Variants in SORCS2 observed in about 807,000 individuals in gnomAD.
SORCS2 encodes VPS10 domain-containing receptor SorCS2.
SORCS2 carries 100 observed loss-of-function variants against 141.6 expected under a neutral mutation model. The ratio of observed to expected loss-of-function variants is 0.71; its 90% CI spans 0.60 to 0.83. The LOEUF is 0.83. SORCS2 is among the 40% of genes least tolerant of loss of function. The pLI is 0.00. For synonymous variants in SORCS2, 789 were observed against 676.9 expected, an observed-to-expected ratio of 1.17 and a Z score of -2.57; for missense variants, 1,646 against 1,560.2, an observed-to-expected ratio of 1.05 and a Z score of -0.93.
intron 1 of SORCS2, among the ~76,000 whole-genome samples, chr4:7,226,636 G>A (rs1430858735): frequency 1.3e-5 from 2 of 152,132 alleles, no homozygotes; most frequent in African/African-American, 2.4e-5. Flanking sequence ...AATCCAGACC[G>A]CCATCTGTCC....
At chr4:7,681,537 C>T (rs1352789748) in intron 9 of SORCS2, among the ~76,000 whole-genome samples, 1 of 152,242 alleles carries the variant, frequency 6.6e-6, no homozygotes, top group African/African-American at 2.4e-5. Context: ...GAATGCGATT[C>T]CACTGACACT....
At chr4:7,708,647 A>G (rs1725629540) in intron 14 of SORCS2, among the ~76,000 whole-genome samples, 1 of 151,954 alleles carries the variant, frequency 6.6e-6, no homozygotes, top group Non-Finnish European at 1.5e-5. Flanking sequence ...GTCTTTACCA[A>G]TATGGCCTCC....
rs776469679 is a variant in SORCS2, at chr4:7,527,250, C to T, written c.549-4280C>T. ...GAGCAATGCCTCCCACAGACGTCCA[C>T]GTCCTAATCCCCGGAAACTGTGACT... On this transcript the variant is annotated intron_variant, in intron 2 of 26. Coordinates refer to ENST00000507866, the MANE Select transcript of SORCS2 (RefSeq NM_020777.3). Among the ~76,000 whole-genome samples the T allele has an allele frequency of 4.6e-5, 7 of 152,268 alleles. No homozygotes were observed. In the South Asian group the frequency reaches 6.2e-4, roughly 13 times the overall value.
At position 7,690,461 on chromosome 4, in the gene SORCS2, A is replaced by AATGGATGAGTGGGTGG. The variant is rs1724166046; in HGVS notation, c.1591+882_1591+897dup. Among the ~76,000 whole-genome samples the AATGGATGAGTGGGTGG allele has an allele frequency of 2.1e-5, 3 of 144,518 alleles. No individual in the cohort carries two copies. The East Asian group carries it at 6.3e-4, about 30-fold the overall frequency. 94.8% of individuals were successfully genotyped at this position (144,518 alleles called of 152,430 possible). On this transcript the variant is annotated intron_variant, in intron 11 of 26. Coordinates refer to ENST00000507866, the MANE Select transcript of SORCS2 (RefSeq NM_020777.3). ...GGATGGATGGATGGATGAGTGGATGAATGGATGAGTGGGTGGATGGATGAT... is the reference window on the plus strand; with the variant it reads ...GGATGGATGGATGGATGAGTGGATGAATGGATGAGTGGGTGGATGGATGAGTGGGTGGATGGATGAT...
intron 3 of SORCS2, among the ~76,000 whole-genome samples, chr4:7,538,795 G>A (rs1712337461): frequency 6.6e-6 from 1 of 152,180 alleles, no homozygotes; most frequent in Non-Finnish European, 1.5e-5. Flanking sequence ...TGTCTTCGTA[G>A]GGGAACTGCC....
intron 3 of SORCS2, among the ~76,000 whole-genome samples, chr4:7,623,566 A>G (rs1577856197): frequency 6.6e-6 from 1 of 151,710 alleles, no homozygotes. Context: ...CTGTTGCCCG[A>G]CCTGTGGCAT....
At chr4:7,424,259 C>T (rs535601311) in intron 2 of SORCS2, among the ~76,000 whole-genome samples, 4 of 152,274 alleles carry the variant, frequency 2.6e-5, no homozygotes, top group Admixed American at 1.3e-4. Context: ...TCTGGCTCCT[C>T]GTCTGAAGGG....
At chr4:7,373,990 G>A (rs1722445089) in intron 1 of SORCS2, among the ~76,000 whole-genome samples, 1 of 152,000 alleles carries the variant, frequency 6.6e-6, no homozygotes, top group African/African-American at 2.4e-5. Flanking sequence ...TAATCCAAAG[G>A]CACAAAGATT....
At chr4:7,597,203 G>T (rs947750627) in intron 3 of SORCS2, among the ~76,000 whole-genome samples, 1 of 150,726 alleles carries the variant, frequency 6.6e-6, no homozygotes, top group Non-Finnish European at 1.5e-5. Flanking sequence ...GGAAGAGGGG[G>T]CTATTGCAAT....
intron 3 of SORCS2, among the ~76,000 whole-genome samples, chr4:7,580,768 C>G (rs1199549479): frequency 1.3e-5 from 2 of 152,050 alleles, no homozygotes; most frequent in Non-Finnish European, 2.9e-5. Context: ...AATCCTGAAC[C>G]CTTGAGTAGG....
At chr4:7,634,653 G>C (rs1720124304) in intron 3 of SORCS2, among the ~76,000 whole-genome samples, 1 of 152,180 alleles carries the variant, frequency 6.6e-6, no homozygotes, top group Non-Finnish European at 1.5e-5. Context: ...TCTTCGAGGA[G>C]GGGGGTAACT....
intron 2 of SORCS2, among the ~76,000 whole-genome samples, chr4:7,412,180 C>T (rs771584277): frequency 1.3e-4 from 20 of 152,178 alleles, no homozygotes; most frequent in Non-Finnish European, 1.2e-4. Context: ...CACGGCCCAT[C>T]GGGGCTCACC....
intron 2 of SORCS2, chr4:7,435,069 C>T: frequency 3.2e-6 from 2 of 622,484 alleles, no homozygotes; most frequent in Non-Finnish European, 2.7e-6. Context: ...GCCTGGAACA[C>T]TATCCCTCCC....
rs1449597868 is a variant in SORCS2, at chr4:7,395,232, G to A, written c.481-1056G>A. Among the ~76,000 whole-genome samples the A allele has an allele frequency of 2.6e-5, 4 of 152,192 alleles. No individual in the cohort carries two copies. The East Asian group carries it at 7.7e-4, about 29-fold the overall frequency. On this transcript the variant is annotated intron_variant, in intron 1 of 26. Coordinates refer to ENST00000507866, the MANE Select transcript of SORCS2 (RefSeq NM_020777.3). ...AGAAAGATACTAGGTCAGCCCAGCT[G>A]CCATCTGTGGAAACGGCACCTTAGG...
chr4:7,364,297 C>T (rs889733318), intron 1 of SORCS2, among the ~76,000 whole-genome samples: 1 of 152,196 alleles, frequency 6.6e-6, no homozygotes, highest in African/African-American at 2.4e-5. Flanking sequence ...GCTTTCTTTC[C>T]AAGTGGGGAG....
At chr4:7,569,636 C>CAG (rs1715248595) in intron 3 of SORCS2, among the ~76,000 whole-genome samples, 1 of 152,158 alleles carries the variant, frequency 6.6e-6, no homozygotes, top group Admixed American at 6.5e-5. Flanking sequence ...GGCACGGGTG[C>CAG]AGATGCTCCG....
At chr4:7,351,787 C>T (rs1720958511) in intron 1 of SORCS2, among the ~76,000 whole-genome samples, 1 of 151,890 alleles carries the variant, frequency 6.6e-6, no homozygotes, top group African/African-American at 2.4e-5. Context: ...CATTTATCAT[C>T]CATCCATCTA....
chr4:7,728,317 A>G (rs1727363420), intron 21 of SORCS2, 33 bp from the exon 22 acceptor site: 1 of 1,553,554 alleles, frequency 6.4e-7, no homozygotes, highest in Admixed American at 1.7e-5. Context: ...GCTGTCCAGA[A>G]CTGACCAGTC....
At chr4:7,324,559 G>T (rs372532008) in intron 1 of SORCS2, among the ~76,000 whole-genome samples, 1 of 152,170 alleles carries the variant, frequency 6.6e-6, no homozygotes, top group Non-Finnish European at 1.5e-5. Context: ...TCACTCTCCC[G>T]GCACACTTTA....
Sources: allele counts gnomAD v4.1 joint callset (sites outside exome capture counted in the v4.1 genomes callset), GRCh38; gene constraint gnomAD v4.1.1; transcripts MANE v1.5; gene names NCBI Gene and HGNC (gene_info 2026-07-23, HGNC 2026-07-21).